The following ZNF609 variants were observed in gnomAD, a reference collection of about 807,000 sequenced individuals.
ZNF609 encodes the protein zinc finger protein 609.
ZNF609 carries 11 observed loss-of-function variants against 109.5 expected under a neutral mutation model. The ratio of observed to expected loss-of-function variants is 0.10; its 90% confidence interval spans 0.06 to 0.17. The LOEUF (loss-of-function observed/expected upper bound fraction) is 0.17, where lower values mean the gene tolerates loss of function less well. ZNF609 is among the 10% of genes least tolerant of loss of function. ZNF609 has a pLI of 1.00. For missense variants in ZNF609, 1,559 were observed against 1,772.4 expected (o/e 0.88, Z 2.16); for synonymous variants, 646 against 662.0 (o/e 0.98, Z 0.37).
chr15:64,679,807 T>G (rs1242941302), intron 6 of ZNF609, among the ~76,000 whole-genome samples: 5 of 152,220 alleles, frequency 3.3e-5, no homozygotes, highest in African/African-American at 1.2e-4. Context: ...AAACAGTTAT[T>G]TATTTGCTCA....
At chr15:64,584,357 G>C (rs1043558266) in intron 2 of ZNF609, among the ~76,000 whole-genome samples, 5 of 151,714 alleles carry the variant, frequency 3.3e-5, no homozygotes, top group Non-Finnish European at 7.4e-5. Context: ...ACAGAGCCTT[G>C]CTCTGTCACC....
chr15:64,630,794 T>C lies in ZNF609; in HGVS notation c.973+7742T>C, dbSNP rs188523325. Among the ~76,000 whole-genome samples, 1,354 of 140,590 alleles carry C rather than the reference T, an allele frequency of 9.6e-3. 23 individuals carry two copies. The highest frequency in any genetic ancestry group is 0.042 in the African/African-American group (1,287 of 30,722). 92.2% of individuals were successfully genotyped at this position (140,590 alleles called of 152,430 possible). ...TACTCTCCATTCTTTTGTTTTCTTT[T>C]TTGTTTGTTTGTTTTGTAAATTATT... On this transcript the variant is annotated intron_variant, in intron 3 of 9. Coordinates refer to ENST00000326648, the MANE Select transcript of ZNF609 (RefSeq NM_015042.2).
At chr15:64,641,289 C>T (rs1896253568) in intron 3 of ZNF609, among the ~76,000 whole-genome samples, 1 of 134,360 alleles carries the variant, frequency 7.4e-6, no homozygotes, top group African/African-American at 2.9e-5. Context: ...ATGATCTCGG[C>T]TCACCACAAC....
intron 2 of ZNF609, among the ~76,000 whole-genome samples, chr15:64,574,486 T>A (rs1159310266): frequency 6.6e-6 from 1 of 152,218 alleles, no homozygotes; most frequent in Non-Finnish European, 1.5e-5. Flanking sequence ...TCACTTGATC[T>A]GTTGTCTTTC....
chr15:64,576,376 A>T, intron 2 of ZNF609, among the ~76,000 whole-genome samples: 1 of 151,968 alleles, frequency 6.6e-6, no homozygotes, highest in East Asian at 1.9e-4. Flanking sequence ...ATAAATTCTG[A>T]TACAGATTTC....
chr15:64,638,726 T>C (rs961404304), intron 3 of ZNF609, among the ~76,000 whole-genome samples: 3 of 151,826 alleles, frequency 2.0e-5, no homozygotes, highest in Non-Finnish European at 4.4e-5. Context: ...CGAAACTCCA[T>C]CTCTACAAAA....
At chr15:64,667,924 T>TA (rs1896674038) in intron 3 of ZNF609, among the ~76,000 whole-genome samples, 1 of 152,072 alleles carries the variant, frequency 6.6e-6, no homozygotes. Flanking sequence ...AAAGGAGGCT[T>TA]AAAATAAGTT....
At chr15:64,504,132 C>T (rs1287903542) in intron 2 of ZNF609, among the ~76,000 whole-genome samples, 1 of 152,212 alleles carries the variant, frequency 6.6e-6, no homozygotes, top group African/African-American at 2.4e-5. Context: ...GATTTTCCTT[C>T]ATGGAAAACA....
intron 2 of ZNF609, among the ~76,000 whole-genome samples, chr15:64,540,757 C>T (rs1326065859): frequency 1.3e-5 from 2 of 150,312 alleles, no homozygotes; most frequent in Non-Finnish European, 3.0e-5. Flanking sequence ...TGGCTGGGCG[C>T]GGTGGCTCAC....
At chr15:64,555,624 C>A (rs1452771802) in intron 2 of ZNF609, among the ~76,000 whole-genome samples, 1 of 151,706 alleles carries the variant, frequency 6.6e-6, no homozygotes, top group African/African-American at 2.4e-5. Flanking sequence ...TGCTTTACGC[C>A]TGTAATCCCA....
intron 2 of ZNF609, among the ~76,000 whole-genome samples, chr15:64,531,361 A>G (rs1894058221): frequency 1.3e-5 from 2 of 152,158 alleles, no homozygotes; most frequent in Admixed American, 6.6e-5. Flanking sequence ...AAAAACACTG[A>G]AAAAGCTACA....
intron 2 of ZNF609, among the ~76,000 whole-genome samples, chr15:64,531,636 A>G (rs1201196792): frequency 2.0e-5 from 3 of 151,974 alleles, no homozygotes; most frequent in African/African-American, 2.4e-5. Flanking sequence ...TGAGCTCAAG[A>G]ACTTCCCACC....
Position 64,673,983 on chromosome 15 carries a change from C to G in ZNF609, c.1129C>G (p.Pro377Ala), listed in dbSNP as rs901188201. ...CCGGGGTAGAGGCAAACGCATGCGT[C>G]CCAACAGTAATACACCTGTCAATGA... Reference protein sequence around the residue: ...NGRGRGKRMRPNSNTPVNETA... With the variant: ...NGRGRGKRMRANSNTPVNETA... Residue 377 changes from proline (P) to alanine (A), a missense_variant, in exon 5 of 10, where the codon CCC becomes GCC. Around this residue, in one of 4 missense-constraint regions of ZNF609, gnomAD observed 1,204 missense variants for 1,314.1 expected, o/e 0.92. Transcript: ENST00000326648. 38 of 1,614,022 alleles carry G rather than the reference C, an allele frequency of 2.4e-5. No individual in the cohort carries two copies. Among genetic ancestry groups the G allele is most frequent in the Middle Eastern group, 1.6e-4 (1 of 6,084 alleles).
rs1263070407 is a variant in ZNF609, at chr15:64,675,675, A to T, written c.2821A>T (p.Asn941Tyr). 6.2e-7 allele frequency: 1 copy of T among 1,614,068 alleles called. No individual in the cohort carries two copies. The highest frequency in any genetic ancestry group is 1.3e-5 in the African/African-American group (1 of 75,028). The change falls in exon 5 of 10, where the codon AAC (asparagine) becomes TAC (tyrosine). Residue 941 changes from asparagine (N) to tyrosine (Y), a missense_variant. Transcript: ENST00000326648. Reference sequence around the variant, plus strand: ...TGAGAGCATAGAAGGGAAAGTGAAGAACGATATCTGTGAAGAAAAGAAGCC... The same window carrying T: ...TGAGAGCATAGAAGGGAAAGTGAAGTACGATATCTGTGAAGAAAAGAAGCC... ...EPESIEGKVK[N>Y]DICEEKKPEL...
At chr15:64,557,821 C>T (rs569354774) in intron 2 of ZNF609, among the ~76,000 whole-genome samples, 109 of 152,186 alleles carry the variant, frequency 7.2e-4, no homozygotes, top group Non-Finnish European at 1.3e-3. Context: ...CTCAGCCTCC[C>T]GAGTAGCTGG....
chr15:64,492,509 A>G (rs1420084540), intron 1 of ZNF609, among the ~76,000 whole-genome samples: 2 of 152,196 alleles, frequency 1.3e-5, no homozygotes, highest in African/African-American at 4.8e-5. Flanking sequence ...TTATAAGAGT[A>G]GTTGGGTCAT....
chr15:64,471,944 T>C (rs1443082550), intron 1 of ZNF609, among the ~76,000 whole-genome samples: 1 of 151,670 alleles, frequency 6.6e-6, no homozygotes, highest in Admixed American at 6.6e-5. Flanking sequence ...GGAGTCTTGC[T>C]CTGTCACCCA....
chr15:64,496,668 T>C (rs1490941783), intron 1 of ZNF609, among the ~76,000 whole-genome samples: 2 of 152,236 alleles, frequency 1.3e-5, no homozygotes, highest in African/African-American at 4.8e-5. Context: ...TTGAAGGCAA[T>C]AAATAAAAGA....
chr15:64,478,877 T>C lies in ZNF609; in HGVS notation c.-128+18039T>C, dbSNP rs778279294. Among the ~76,000 whole-genome samples the C allele has an allele frequency of 5.9e-5, 9 of 152,316 alleles. No individual in the cohort carries two copies. The South Asian group carries it at 1.0e-3, about 18-fold the overall frequency. The stretch of plus-strand genomic sequence containing the variant: ...AGTAGTACATAACATATTACTGATA[T>C]TGTGAATTTTAAAGCCAGCAGCTGT... On this transcript the variant is annotated intron_variant, in intron 1 of 9. Coordinates refer to ENST00000326648, the MANE Select transcript of ZNF609 (RefSeq NM_015042.2).
Sources: allele counts gnomAD v4.1 joint callset (sites outside exome capture counted in the v4.1 genomes callset), GRCh38; gene constraint gnomAD v4.1.1; regional missense constraint gnomAD v4.1.1; transcripts MANE v1.5; gene names NCBI Gene and HGNC (gene_info 2026-07-23, HGNC 2026-07-21).